CRAMP1: variants seen among roughly 807,000 people sequenced by gnomAD.
The protein encoded by CRAMP1 is cramped chromatin regulator 1, also known as protein cramped-like.
In CRAMP1, 50 loss-of-function variants were observed where a neutral mutation model predicts 115.4. The ratio of observed to expected loss-of-function variants is 0.43; its 90% CI spans 0.35 to 0.55. The LOEUF (loss-of-function observed/expected upper bound fraction) is 0.55. Among genes scored for constraint, CRAMP1 ranks in the 20% least tolerant of loss-of-function variants. The pLI is 0.01. For missense variants in CRAMP1, 1,679 were observed against 1,721.7 expected (o/e 0.98, Z 0.44); for synonymous variants, 866 against 745.4 (o/e 1.16, Z -2.64).
At position 1,672,087 on chromosome 16, in the gene CRAMP1, C is replaced by T. The variant is rs558002790; in HGVS notation, c.3645+1278C>T. On this transcript the variant is annotated intron_variant, in intron 20 of 20. Transcript: ENST00000397412. This position sits in a 1 kb window ranked among gnomAD's most constrained non-coding sequence, Gnocchi z 4.9. ...TGGAGATGGGCGCTGCGTACGTGCC[C>T]TGAGGCAGCATGCTCACGCCATGCT... 6.6e-6 allele frequency among the ~76,000 whole-genome samples: 1 copy of T among 152,312 alleles called. No homozygotes were observed. The highest frequency in any genetic ancestry group is 2.1e-4 in the South Asian group (1 of 4,830).
intron 6 of CRAMP1, among the ~76,000 whole-genome samples, chr16:1,642,476 G>A (rs749656246): frequency 6.6e-6 from 1 of 152,246 alleles, no homozygotes. Flanking sequence ...AGACTTCCCA[G>A]AGTGGGTCTG....
chr16:1,643,677 G>A (rs952713364), intron 6 of CRAMP1, among the ~76,000 whole-genome samples: 5 of 152,254 alleles, frequency 3.3e-5, no homozygotes, highest in African/African-American at 7.2e-5. Flanking sequence ...CGGGCAGCAG[G>A]TGCGTGGACA....
chr16:1,659,532 C>T (rs745757999), intron 10 of CRAMP1, among the ~76,000 whole-genome samples: 181 of 152,200 alleles, frequency 1.2e-3, no homozygotes, highest in Middle Eastern at 3.4e-3. Flanking sequence ...AGACTACGGG[C>T]GCCCACCACC....
rs189802168 is a variant in CRAMP1 at position 1,669,244 on chromosome 16, C to G, written c.3499+79C>G. 851 of 1,119,652 alleles carry G rather than the reference C, an allele frequency of 7.6e-4. 3 individuals carry two copies. The African/African-American group carries it at 0.01, about 13-fold the overall frequency. The allele number at this position is 1,119,652 out of a possible 1,614,324, so 69.4% of individuals were successfully genotyped here. On this transcript the variant is annotated intron_variant, in intron 19 of 20. Coordinates refer to ENST00000397412, the MANE Select transcript of CRAMP1 (RefSeq NM_020825.4). This position sits in a 1 kb window ranked among gnomAD's most constrained non-coding sequence, Gnocchi z 4.6. ...GTCTGCGGGACACTGGATTCTCATT[C>G]TACTCAAACTCCCACTAGGACTGTT...
intron 2 of CRAMP1, among the ~76,000 whole-genome samples, chr16:1,616,915 C>T (rs142012582): frequency 2.2e-4 from 34 of 151,656 alleles, no homozygotes; most frequent in African/African-American, 7.7e-4. Flanking sequence ...CCCAGGTTCA[C>T]ACCATTCTCT....
At chr16:1,657,990 G>A (rs2063129010) in intron 10 of CRAMP1, among the ~76,000 whole-genome samples, 9 of 152,108 alleles carry the variant, frequency 5.9e-5, no homozygotes, top group Admixed American at 5.2e-4. Context: ...GGACTCGGGC[G>A]CTCACGAGCC....
chr16:1,667,532 C>T, intron 17 of CRAMP1, 132 bp downstream of exon 17: 1 of 728,674 alleles, frequency 1.4e-6, no homozygotes, highest in South Asian at 1.5e-5. Context: ...GCTGTTCTTC[C>T]ACCTGCTGTG....
chr16:1,638,746 G>T (rs1417238187), intron 5 of CRAMP1, among the ~76,000 whole-genome samples: 2 of 152,146 alleles, frequency 1.3e-5, no homozygotes, highest in African/African-American at 2.4e-5. Flanking sequence ...GGGTGGTGGG[G>T]CTGAGAGGAC....
intron 4 of CRAMP1, among the ~76,000 whole-genome samples, chr16:1,632,813 G>T (rs148943318): frequency 6.6e-6 from 1 of 152,236 alleles, no homozygotes; most frequent in African/African-American, 2.4e-5. Flanking sequence ...CCAGGTCTGC[G>T]TCGGCCCTCG....
rs2036780914 is a variant in CRAMP1, at chr16:1,656,900, C to T, written c.2143C>T (p.Pro715Ser). ...YDWLGPGRQD[P>S]RPGSLPTALH... Reference sequence around the variant, plus strand: ...CTGGCTGGGGCCCGGCCGCCAGGACCCCCGCCCCGGCTCCCTACCCACCGC... The same window carrying T: ...CTGGCTGGGGCCCGGCCGCCAGGACTCCCGCCCCGGCTCCCTACCCACCGC... The change falls in exon 10 of 21, where the codon CCC (proline) becomes TCC (serine). Residue 715 changes from proline to serine, a missense_variant. Physicochemically the swap from Pro to Ser is moderately conservative, Grantham distance 74. This residue lies in a region of CRAMP1 where 709 missense variants were observed against 741.9 expected (regional missense o/e 0.96). Transcript: ENST00000397412. The surrounding 1 kb of genome is among the most constrained non-coding windows in gnomAD (Gnocchi z 5.6). 2 of 1,552,066 alleles carry T rather than the reference C, an allele frequency of 1.3e-6. No individual in the cohort carries two copies. The highest frequency in any genetic ancestry group is 1.7e-6 in the Non-Finnish European group (2 of 1,148,240).
chr16:1,654,693 C>T (rs1046261290), intron 8 of CRAMP1, among the ~76,000 whole-genome samples: 2 of 152,198 alleles, frequency 1.3e-5, no homozygotes, highest in Non-Finnish European at 2.9e-5. Context: ...CCTCCCAGTC[C>T]GCCTTGTGTC....
intron 4 of CRAMP1, among the ~76,000 whole-genome samples, chr16:1,637,369 G>A: frequency 6.6e-6 from 1 of 152,058 alleles, no homozygotes; most frequent in Non-Finnish European, 1.5e-5. Context: ...GTGAGCACCT[G>A]TCCTTGGCTC....
At chr16:1,660,169 C>A in intron 11 of CRAMP1, 106 bp downstream of exon 11, 1 of 950,312 alleles carries the variant, frequency 1.1e-6, no homozygotes, top group Non-Finnish European at 1.5e-6. Context: ...TGAGGCCGGA[C>A]CCCACTGGCC....
chr16:1,656,541 C>T lies in CRAMP1; in HGVS notation c.1784C>T (p.Ala595Val). 1 of 1,558,050 alleles carries T rather than the reference C, an allele frequency of 6.4e-7. No homozygotes were observed. Among genetic ancestry groups the T allele is most frequent in the South Asian group, 1.2e-5 (1 of 84,538 alleles). ...GSEQPPLGGA[A>V]SPEVLAPVSK... Reference sequence around the variant, plus strand: ...GAGCAGCCCCCTCTGGGCGGGGCGGCCTCCCCAGAGGTGCTGGCTCCTGTC... The same window carrying T: ...GAGCAGCCCCCTCTGGGCGGGGCGGTCTCCCCAGAGGTGCTGGCTCCTGTC... Residue 595 changes from alanine to valine, a missense_variant, in exon 10 of 21, where the codon GCC (alanine) becomes GTC (valine). Around this residue, in one of 8 missense-constraint regions of CRAMP1, gnomAD observed 405 missense variants for 302.6 expected, o/e 1.34. Coordinates refer to ENST00000397412, the MANE Select transcript of CRAMP1 (RefSeq NM_020825.4). This position sits in a 1 kb window ranked among gnomAD's most constrained non-coding sequence, Gnocchi z 5.6.
At chr16:1,645,807 G>C (rs775665600) in intron 6 of CRAMP1, among the ~76,000 whole-genome samples, 1 of 152,066 alleles carries the variant, frequency 6.6e-6, no homozygotes, top group Admixed American at 6.5e-5. Context: ...ATCATCCTGG[G>C]CTTAGTTTTG....
intron 2 of CRAMP1, among the ~76,000 whole-genome samples, chr16:1,619,938 A>G (rs2036452244): frequency 1.3e-5 from 2 of 152,196 alleles, no homozygotes; most frequent in South Asian, 2.1e-4. Flanking sequence ...TGATGGGACA[A>G]TGCGAGGTCA....
rs2036921295 is a variant in CRAMP1, at chr16:1,671,446, C to G, written c.3645+637C>G. Among the ~76,000 whole-genome samples the G allele has an allele frequency of 6.6e-6, 1 of 152,208 alleles. No individual in the cohort carries two copies. Among genetic ancestry groups the G allele is most frequent in the Non-Finnish European group, 1.5e-5 (1 of 68,034 alleles). ...GGCCAGGCCATCTGGTTGTAGCCCT[C>G]AAGGCGTCCACCACATGGTTTGTGT... On this transcript the variant is annotated intron_variant, in intron 20 of 20. Coordinates refer to ENST00000397412, the MANE Select transcript of CRAMP1 (RefSeq NM_020825.4). The surrounding 1 kb of genome is among the most constrained non-coding windows in gnomAD (Gnocchi z 5.0).
intron 20 of CRAMP1, among the ~76,000 whole-genome samples, chr16:1,673,305 A>T (rs113843543): frequency 1.7e-5 from 2 of 114,812 alleles, no homozygotes; most frequent in South Asian, 2.9e-4. Context: ...CCTCATGTCT[A>T]TGACAGGAAC....
Position 1,670,829 on chromosome 16 carries a change from A to G in CRAMP1, c.3645+20A>G. 7 of 1,611,524 alleles carry G rather than the reference A, an allele frequency of 4.3e-6. No individual in the cohort carries two copies. Among genetic ancestry groups the G allele is most frequent in the Non-Finnish European group, 5.9e-6 (7 of 1,177,978 alleles). Reference sequence around the variant, plus strand: ...GCAGAGGTGAGTGCATTGACCTCACAGCTGCACCTGACCACCAACCCTCGT... The same window carrying G: ...GCAGAGGTGAGTGCATTGACCTCACGGCTGCACCTGACCACCAACCCTCGT... On this transcript the variant is annotated intron_variant, in intron 20 of 20. Coordinates refer to ENST00000397412, the MANE Select transcript of CRAMP1 (RefSeq NM_020825.4).
Sources: allele counts gnomAD v4.1 joint callset (sites outside exome capture counted in the v4.1 genomes callset), GRCh38; gene constraint gnomAD v4.1.1; regional missense constraint gnomAD v4.1.1; non-coding constraint Gnocchi (gnomAD v3.1); transcripts MANE v1.5; gene names NCBI Gene and HGNC (gene_info 2026-07-23, HGNC 2026-07-21).